CNOT4: variants seen among roughly 807,000 people sequenced by gnomAD.
CNOT4 encodes the protein CCR4-NOT transcription complex subunit 4.
A neutral mutation model predicts 73.8 loss-of-function variants in CNOT4; 8 were observed. The observed-to-expected ratio is 0.11, with a 90% CI of 0.06 to 0.20. CNOT4 has a LOEUF of 0.20. Among genes scored for constraint, CNOT4 ranks in the 10% least tolerant of loss-of-function variants. CNOT4 has a pLI of 1.00. For missense variants in CNOT4, 564 were observed against 883.4 expected, an observed-to-expected ratio of 0.64 and a Z score of 4.58; for synonymous variants, 293 against 321.1, an observed-to-expected ratio of 0.91 and a Z score of 0.94.
chr7:135,423,921 T>G (rs1798333318), intron 2 of CNOT4, among the ~76,000 whole-genome samples: 1 of 151,998 alleles, frequency 6.6e-6, no homozygotes, highest in Non-Finnish European at 1.5e-5. Context: ...AAATATAAAT[T>G]TAGTATGATT....
intron 1 of CNOT4, among the ~76,000 whole-genome samples, chr7:135,452,720 A>G (rs562839782): frequency 6.6e-6 from 1 of 152,340 alleles, no homozygotes; most frequent in South Asian, 2.1e-4. Flanking sequence ...TGAAAATTTA[A>G]GTATGACGGA....
At chr7:135,419,919 G>T (rs939983705) in intron 3 of CNOT4, among the ~76,000 whole-genome samples, 2 of 151,898 alleles carry the variant, frequency 1.3e-5, no homozygotes, top group African/African-American at 4.8e-5. Context: ...TGGGCATGGT[G>T]GTGCACACCT....
intron 10 of CNOT4, among the ~76,000 whole-genome samples, chr7:135,378,503 A>C (rs1476529391): frequency 8.1e-6 from 1 of 123,218 alleles, no homozygotes; most frequent in Non-Finnish European, 1.7e-5. Context: ...CAAACAAAAT[A>C]AAAATAGAGA....
At chr7:135,375,679 C>T (rs62481571) in intron 10 of CNOT4, among the ~76,000 whole-genome samples, 6 of 152,156 alleles carry the variant, frequency 3.9e-5, no homozygotes, top group Non-Finnish European at 5.9e-5. Flanking sequence ...AATCCCAGCA[C>T]TTTGGGAGGC....
intron 1 of CNOT4, among the ~76,000 whole-genome samples, chr7:135,474,904 T>C (rs1033796886): frequency 2.0e-5 from 3 of 152,194 alleles, no homozygotes; most frequent in East Asian, 1.9e-4. Context: ...ATGATGGTAA[T>C]ATCCTCTGAT....
chr7:135,466,368 G>C (rs1201431457), intron 1 of CNOT4, among the ~76,000 whole-genome samples: 4 of 151,462 alleles, frequency 2.6e-5, no homozygotes, highest in African/African-American at 9.7e-5. Context: ...CAGCTACTCA[G>C]GAGGCTGAGG....
chr7:135,387,409 GA>G, intron 10 of CNOT4: 1 of 983,402 alleles, frequency 1.0e-6, no homozygotes, highest in Non-Finnish European at 1.2e-6. Flanking sequence ...ATATCTAACA[GA>G]AAATAATCCA....
chr7:135,494,465 C>T (rs547072839), intron 1 of CNOT4, among the ~76,000 whole-genome samples: 13 of 111,830 alleles, frequency 1.2e-4, no homozygotes, highest in African/African-American at 2.4e-4. Flanking sequence ...AATGAAATTC[C>T]GTCTCAAAAA....
chr7:135,388,660 T>C, intron 10 of CNOT4: 2 of 1,342,078 alleles, frequency 1.5e-6, no homozygotes, highest in Non-Finnish European at 1.9e-6. Flanking sequence ...ACACGCTAGC[T>C]GTAGGCATGA....
At chr7:135,408,937 G>C (rs185312775) in intron 7 of CNOT4, among the ~76,000 whole-genome samples, 12 of 152,142 alleles carry the variant, frequency 7.9e-5, no homozygotes, top group Non-Finnish European at 1.3e-4. Flanking sequence ...ATTTTATTCT[G>C]TATGCTTTCA....
chr7:135,473,498 A>G (rs1801774996), intron 1 of CNOT4, among the ~76,000 whole-genome samples: 1 of 152,216 alleles, frequency 6.6e-6, no homozygotes, highest in Non-Finnish European at 1.5e-5. Context: ...CTGTAACCCC[A>G]ACATTTTGGA....
Position 135,509,889 on chromosome 7 carries a change from C to A in CNOT4, c.-93G>T. 1 of 395,898 alleles carries A rather than the reference C, an allele frequency of 2.5e-6. No homozygotes were observed. The highest frequency in any genetic ancestry group is 4.5e-6 in the Non-Finnish European group (1 of 224,710). 24.5% of individuals were successfully genotyped at this position (395,898 alleles called of 1,614,324 possible). ...TAAGCCCAGCCCCGCATAGACTCAC[C>A]CGCCTGCCTTGCCTCGCTTTTCCCT... On this transcript the variant is annotated splice_region_variant and 5_prime_UTR_variant, in exon 1 of 12. Transcript: ENST00000541284.
intron 1 of CNOT4, among the ~76,000 whole-genome samples, chr7:135,448,038 T>C (rs982843307): frequency 1.3e-5 from 2 of 152,096 alleles, no homozygotes; most frequent in African/African-American, 4.8e-5. Flanking sequence ...CATACACAAG[T>C]CTGTGCCCCT....
intron 1 of CNOT4, among the ~76,000 whole-genome samples, chr7:135,497,174 G>A (rs141805264): frequency 2.4e-4 from 36 of 151,942 alleles, no homozygotes; most frequent in African/African-American, 7.2e-4. Flanking sequence ...TTGGGAAGCC[G>A]AGGCAGGCGG....
At chr7:135,490,578 A>G (rs77207791) in intron 1 of CNOT4, among the ~76,000 whole-genome samples, 3,399 of 152,278 alleles carry the variant, frequency 0.022, 124 homozygotes, top group African/African-American at 0.07. Context: ...ATATGGTGGA[A>G]AAGACAAGTG....
chr7:135,409,696 G>C (rs1223044948), intron 7 of CNOT4, among the ~76,000 whole-genome samples: 1 of 151,826 alleles, frequency 6.6e-6, no homozygotes, highest in Non-Finnish European at 1.5e-5. Flanking sequence ...TTTAAAAAAA[G>C]ATCATCAACA....
Position 135,504,781 on chromosome 7 carries a change from C to T in CNOT4, c.-93+5108G>A, listed in dbSNP as rs969357556. On this transcript the variant is annotated intron_variant, in intron 1 of 11. Coordinates refer to ENST00000541284, the MANE Select transcript of CNOT4 (RefSeq NM_001190850.2). ...GATTACAGGCGTGAGCCACCGCGCCCGGCCCATCCGGCTAATTTTTGTATT... is the reference window on the plus strand; with the variant it reads ...GATTACAGGCGTGAGCCACCGCGCCTGGCCCATCCGGCTAATTTTTGTATT... 3.8e-5 allele frequency among the ~76,000 whole-genome samples: 5 copies of T among 132,832 alleles called. 1 individual carries two copies. The highest frequency in any genetic ancestry group is 2.1e-4 in the East Asian group (1 of 4,756). 87.1% of individuals were successfully genotyped at this position (132,832 alleles called of 152,430 possible).
At chr7:135,389,516 G>A (rs753427939) in intron 10 of CNOT4, among the ~76,000 whole-genome samples, 7 of 142,114 alleles carry the variant, frequency 4.9e-5, no homozygotes, top group Non-Finnish European at 1.0e-4. Context: ...AATTATAGAT[G>A]AATGAGATCG....
chr7:135,399,479 C>G lies in CNOT4; in HGVS notation c.822-1253G>C, dbSNP rs139278460. 2.9e-3 allele frequency among the ~76,000 whole-genome samples: 445 copies of G among 152,108 alleles called. 2 individuals are homozygous for G. The highest frequency in any genetic ancestry group is 9.8e-3 in the African/African-American group (406 of 41,538). ...ATAGAACCACCATTGTATATGTGGT[C>G]CAGCCATTGTTGACCAAAACAAAAC... is the stretch of plus-strand genomic sequence containing the variant. On this transcript the variant is annotated intron_variant, in intron 7 of 11. Coordinates refer to ENST00000541284, the MANE Select transcript of CNOT4 (RefSeq NM_001190850.2).
Sources: allele counts gnomAD v4.1 joint callset (sites outside exome capture counted in the v4.1 genomes callset), GRCh38; gene constraint gnomAD v4.1.1; transcripts MANE v1.5; gene names NCBI Gene and HGNC (gene_info 2026-07-23, HGNC 2026-07-21).